The following BRWD3 variants were observed in gnomAD, a reference collection of about 807,000 sequenced individuals.
BRWD3 encodes the protein bromodomain and WD repeat domain containing 3, also known as bromodomain and WD repeat-containing protein 3.
BRWD3 carries 10 observed loss-of-function variants against 149.7 expected under a neutral mutation model. The ratio of observed to expected loss-of-function variants is 0.07; its 90% CI spans 0.04 to 0.11. The LOEUF is 0.11. BRWD3 is among the 10% of genes least tolerant of loss of function. The probability of loss-of-function intolerance (pLI) is 1.00; values close to 1 mark genes in which losing one functional copy is unlikely to be tolerated. For missense variants in BRWD3, 940 were observed against 1,373.2 expected (o/e 0.68, Z 4.99); for synonymous variants, 504 against 456.7 (o/e 1.10, Z -1.32).
At chrX:80,751,325 G>T (rs2073664554) in intron 6 of BRWD3, among the ~76,000 whole-genome samples, 2 of 111,869 alleles carry the variant, frequency 1.8e-5, no homozygotes, top group South Asian at 3.7e-4. Flanking sequence ...TTTCTGTAAT[G>T]TATACATAGA....
Position 80,793,255 on chromosome X carries a change from T to G in BRWD3, c.331+367A>C, listed in dbSNP as rs2074202705. 2.7e-5 allele frequency among the ~76,000 whole-genome samples: 3 copies of G among 109,386 alleles called. No individual in the cohort carries two copies. In the South Asian group the frequency reaches 1.2e-3, roughly 42 times the overall value. The allele number at this position is 109,386 out of a possible 115,157, so 95.0% of individuals were successfully genotyped here. A position where few individuals can be genotyped will look rare whatever the true frequency, so the allele number is the denominator to read the frequency against. ...TAAAATTGTACATATAATTTTGATT[T>G]ACCTGTTACGAAAAGTACAATATCA... On this transcript the variant is annotated intron_variant, in intron 5 of 40. Coordinates refer to ENST00000373275, the MANE Select transcript of BRWD3 (RefSeq NM_153252.5).
chrX:80,725,750 A>G (rs1303856141), intron 14 of BRWD3, among the ~76,000 whole-genome samples: 1 of 109,846 alleles, frequency 9.1e-6, no homozygotes, highest in Non-Finnish European at 1.9e-5. Context: ...TGCCTATATA[A>G]CATATAACAT....
intron 20 of BRWD3, among the ~76,000 whole-genome samples, chrX:80,714,721 T>A (rs745843825): frequency 8.9e-6 from 1 of 112,165 alleles, no homozygotes; most frequent in South Asian, 3.7e-4. Context: ...TCTTCAAATA[T>A]TTTAAAATTT....
chrX:80,754,708 C>T (rs1162636031), intron 6 of BRWD3, among the ~76,000 whole-genome samples: 1 of 111,845 alleles, frequency 8.9e-6, no homozygotes, highest in Non-Finnish European at 1.9e-5. Context: ...AGGATTTTTA[C>T]CAAAAAGGAA....
intron 13 of BRWD3, among the ~76,000 whole-genome samples, chrX:80,729,374 T>C (rs758419904): frequency 1.8e-5 from 2 of 111,339 alleles, no homozygotes; most frequent in South Asian, 7.4e-4. Context: ...CATTTCTATA[T>C]TGCAACTAAT....
chrX:80,731,894 CAAAAAAAAAA>C (rs760738184), intron 12 of BRWD3, among the ~76,000 whole-genome samples: 3 of 22,936 alleles, frequency 1.3e-4, no homozygotes, highest in Non-Finnish European at 2.4e-4. Context: ...GACTCTGTCT[CAAAAAAAAAA>C]AAAAAAAAAA....
intron 31 of BRWD3, among the ~76,000 whole-genome samples, 175 bp downstream of exon 31, chrX:80,690,878 C>A (rs2072602270): frequency 9.0e-6 from 1 of 111,186 alleles, no homozygotes; most frequent in Non-Finnish European, 1.9e-5. Context: ...CTTCTCTATC[C>A]CCAAGAGTGA....
At chrX:80,697,831 C>A (rs1327317162) in intron 25 of BRWD3, among the ~76,000 whole-genome samples, 1 of 111,984 alleles carries the variant, frequency 8.9e-6, no homozygotes, top group Non-Finnish European at 1.9e-5. Flanking sequence ...TGGGTATATA[C>A]CCAGTAATGG....
chrX:80,771,105 AC>A (rs1426624124), intron 6 of BRWD3, among the ~76,000 whole-genome samples: 2 of 111,902 alleles, frequency 1.8e-5, no homozygotes, highest in African/African-American at 6.5e-5. Flanking sequence ...AAAGTAGGAC[AC>A]AAACAAATGA....
At chrX:80,772,843 G>A (rs1423385466) in intron 6 of BRWD3, among the ~76,000 whole-genome samples, 2 of 111,823 alleles carry the variant, frequency 1.8e-5, no homozygotes, top group Admixed American at 1.9e-4. Flanking sequence ...CATCCCAGAT[G>A]TCCTTCAATT....
At chrX:80,733,592 G>A (rs1602369272) in intron 11 of BRWD3, 96 bp from the exon 12 acceptor site, 2 of 637,659 alleles carry the variant, frequency 3.1e-6, no homozygotes, top group Non-Finnish European at 4.9e-6. Flanking sequence ...ACATCATGAA[G>A]TAGTTTTTTT....
chrX:80,732,083 T>C (rs2073341588), intron 12 of BRWD3, among the ~76,000 whole-genome samples: 1 of 110,704 alleles, frequency 9.0e-6, no homozygotes, highest in Admixed American at 9.7e-5. Context: ...TTTAAAATAT[T>C]GTATAAAATT....
At chrX:80,770,348 C>G (rs1035037975) in intron 6 of BRWD3, among the ~76,000 whole-genome samples, 35 of 111,649 alleles carry the variant, frequency 3.1e-4, no homozygotes, top group African/African-American at 1.1e-3. Flanking sequence ...AGTGAAAATC[C>G]TCAATAAAAT....
intron 20 of BRWD3, among the ~76,000 whole-genome samples, chrX:80,712,138 T>A (rs1422303348): frequency 9.0e-6 from 1 of 111,240 alleles, no homozygotes; most frequent in Non-Finnish European, 1.9e-5. Context: ...GAGAGTTGTT[T>A]AAAATAAAAA....
At chrX:80,705,295 C>T (rs1355058915) in intron 22 of BRWD3, among the ~76,000 whole-genome samples, 2 of 109,226 alleles carry the variant, frequency 1.8e-5, no homozygotes, top group African/African-American at 3.3e-5. Flanking sequence ...TATAGAATTT[C>T]GACCATTATC....
rs764587615 is a variant in BRWD3 at position 80,673,077 on chromosome X, T to A, written c.*3532A>T. Reference sequence around the variant, plus strand: ...TCACTCTATTATTGTCTGATGACAATCTATGGGATTAAAACAAAAACAACA... The same window carrying A: ...TCACTCTATTATTGTCTGATGACAAACTATGGGATTAAAACAAAAACAACA... On this transcript the variant is annotated 3_prime_UTR_variant, in exon 41 of 41. Transcript: ENST00000373275. The A allele has an allele frequency of 9.8e-5, 11 of 111,966 alleles. No homozygotes were observed. Among genetic ancestry groups the A allele is most frequent in the Non-Finnish European group, 1.9e-4 (10 of 53,179 alleles). The allele number at this position is 111,966 out of a possible 1,213,427, so 9.2% of individuals were successfully genotyped here.
chrX:80,721,949 C>T (rs913372763), intron 17 of BRWD3, among the ~76,000 whole-genome samples: 8 of 111,695 alleles, frequency 7.2e-5, no homozygotes, highest in African/African-American at 1.3e-4. Context: ...TGGGTTCAAG[C>T]GGTTCTTGTG....
Position 80,809,079 on chromosome X carries a change from C to T in BRWD3, c.91-37G>A, listed in dbSNP as rs779834040. On this transcript the variant is annotated intron_variant, in intron 2 of 40. Transcript: ENST00000373275. ...GGAAACACAGATATGAGGAGCAGCT[C>T]GGGCCATCAACCCATTCCTCCCTCC... The T allele has an allele frequency of 3.4e-6, 4 of 1,175,825 alleles. No homozygotes were observed. The South Asian group carries it at 7.5e-5, about 22-fold the overall frequency.
At chrX:80,772,232 T>C (rs985959949) in intron 6 of BRWD3, among the ~76,000 whole-genome samples, 3 of 112,016 alleles carry the variant, frequency 2.7e-5, no homozygotes, top group Non-Finnish European at 5.6e-5. Flanking sequence ...TGTCCATCAA[T>C]GATAGACCAG....
Sources: gnomAD v4.1 joint callset for allele counts (sites outside exome capture counted in the v4.1 genomes callset) on GRCh38, gnomAD v4.1.1 for gene constraint, MANE v1.5 for transcripts, NCBI Gene and HGNC (gene_info 2026-07-23, HGNC 2026-07-21) for gene names.